The following GABBR2 variants were observed in gnomAD, a reference collection of about 807,000 sequenced individuals.
The protein encoded by GABBR2 is G-protein coupled receptor 51.
Under a neutral mutation model 105.6 loss-of-function variants are expected in GABBR2, and 23 were observed. The ratio of observed to expected loss-of-function variants is 0.22; its 90% CI spans 0.16 to 0.31. GABBR2 has a LOEUF of 0.31. GABBR2 is among the 10% of genes least tolerant of loss of function. The probability of loss-of-function intolerance (pLI) is 1.00; values close to 1 mark genes in which losing one functional copy is unlikely to be tolerated. For synonymous variants in GABBR2, 478 were observed against 499.7 expected, an observed-to-expected ratio of 0.96 and a Z score of 0.58; for missense variants, 734 against 1,245.5, an observed-to-expected ratio of 0.59 and a Z score of 6.18.
intron 2 of GABBR2, among the ~76,000 whole-genome samples, chr9:98,569,959 C>A (rs1175112194): frequency 6.6e-6 from 1 of 152,198 alleles, no homozygotes; most frequent in Non-Finnish European, 1.5e-5. Flanking sequence ...TAGAATGATG[C>A]CAGAATTCAG....
intron 1 of GABBR2, among the ~76,000 whole-genome samples, chr9:98,602,333 G>T (rs540403248): frequency 6.6e-6 from 1 of 151,752 alleles, no homozygotes; most frequent in African/African-American, 2.4e-5. Flanking sequence ...TCAGCTGGGC[G>T]TGGTGGCAGG....
chr9:98,300,494 C>T (rs1830451407), intron 16 of GABBR2, among the ~76,000 whole-genome samples: 1 of 152,144 alleles, frequency 6.6e-6, no homozygotes. Flanking sequence ...GGCAATTCAG[C>T]CCCAGAGAAG....
chr9:98,662,045 C>T (rs1196567835), intron 1 of GABBR2, among the ~76,000 whole-genome samples: 1 of 152,212 alleles, frequency 6.6e-6, no homozygotes, highest in African/African-American at 2.4e-5. Context: ...GTCCTGCTTC[C>T]CACACTCTTA....
chr9:98,293,851 T>C lies in GABBR2; in HGVS notation c.2594A>G (p.Gln865Arg), dbSNP rs1428518574. ...KNHLDQNPQL[Q>R]WNTTEPSRTC... ...TCGAGAGGGCTCTGTTGTGTTCCAC[T>C]GTAGCTGGGGATTTTGATCGAGGTG... is the stretch of plus-strand genomic sequence containing the variant. The change falls in exon 18 of 19, where the codon CAG becomes CGG. Residue 865 changes from glutamine (Q) to arginine (R), a missense_variant. Gln to Arg is a conservative substitution (Grantham distance 43). This residue lies in a region of GABBR2 where 134 missense variants were observed against 171.2 expected (regional missense o/e 0.78). Transcript: ENST00000259455. 1 of 1,613,356 alleles carries C rather than the reference T, an allele frequency of 6.2e-7. No individual in the cohort carries two copies.
intron 2 of GABBR2, among the ~76,000 whole-genome samples, chr9:98,577,668 G>T (rs781672359): frequency 6.6e-5 from 10 of 152,186 alleles, no homozygotes; most frequent in Non-Finnish European, 1.2e-4. Context: ...GGCATCAGTG[G>T]CTCTGAAAGC....
chr9:98,418,370 T>C (rs1832724860), intron 7 of GABBR2, among the ~76,000 whole-genome samples: 1 of 151,980 alleles, frequency 6.6e-6, no homozygotes. Context: ...ACCCCGTCCC[T>C]ATAAAAAATA....
Position 98,479,632 on chromosome 9 carries a change from G to A in GABBR2, c.798+1300C>T, listed in dbSNP as rs74641286. 6.8e-4 allele frequency among the ~76,000 whole-genome samples: 103 copies of A among 152,316 alleles called. 1 individual carries two copies. In the East Asian group the frequency reaches 0.015, roughly 23 times the overall value. ...GGCTTGCAGCCACTACCCTATCCTC[G>A]CTGCTTGTCTCTTTTCAATTCCTAC... On this transcript the variant is annotated intron_variant, in intron 5 of 18. Transcript: ENST00000259455.
At chr9:98,644,530 C>T (rs7852947) in intron 1 of GABBR2, among the ~76,000 whole-genome samples, 13,602 of 152,208 alleles carry the variant, frequency 0.089, 937 homozygotes, top group African/African-American at 0.19. Context: ...TTGTAGTTCT[C>T]AAGAATAACT....
chr9:98,449,969 C>T (rs1826204370), intron 7 of GABBR2, among the ~76,000 whole-genome samples: 1 of 152,130 alleles, frequency 6.6e-6, no homozygotes, highest in African/African-American at 2.4e-5. Flanking sequence ...ACAGAACTTG[C>T]CTTGAGTTAA....
At chr9:98,321,100 G>A (rs1210911425) in intron 13 of GABBR2, among the ~76,000 whole-genome samples, 1 of 152,128 alleles carries the variant, frequency 6.6e-6, no homozygotes, top group Non-Finnish European at 1.5e-5. Context: ...CTGGGAAAGG[G>A]CAGGAGTCTC....
At chr9:98,312,736 C>A (rs1298789855) in intron 13 of GABBR2, among the ~76,000 whole-genome samples, 1 of 152,148 alleles carries the variant, frequency 6.6e-6, no homozygotes, top group Non-Finnish European at 1.5e-5. Flanking sequence ...CCTTTCCTCC[C>A]ATTTATTTAT....
intron 7 of GABBR2, among the ~76,000 whole-genome samples, chr9:98,435,582 C>T (rs1376606262): frequency 6.6e-6 from 1 of 152,194 alleles, no homozygotes; most frequent in African/African-American, 2.4e-5. Context: ...AGTCAGGTTG[C>T]TCCCTTGCTA....
At chr9:98,584,830 G>A (rs1284276211) in intron 1 of GABBR2, among the ~76,000 whole-genome samples, 1 of 152,122 alleles carries the variant, frequency 6.6e-6, no homozygotes, top group East Asian at 1.9e-4. Context: ...TCCCCTCTGG[G>A]TCTCCCACGC....
At chr9:98,502,641 G>A (rs916138738) in intron 3 of GABBR2, among the ~76,000 whole-genome samples, 6 of 152,226 alleles carry the variant, frequency 3.9e-5, no homozygotes, top group Admixed American at 1.3e-4. Context: ...GAATCCCCCC[G>A]CTTGGCACTG....
chr9:98,437,614 C>T (rs963293388), intron 7 of GABBR2, among the ~76,000 whole-genome samples: 1 of 149,972 alleles, frequency 6.7e-6, no homozygotes, highest in African/African-American at 2.5e-5. Flanking sequence ...TGTCTGTCCT[C>T]TTATCTGCCC....
At chr9:98,678,137 T>C (rs1263884375) in intron 1 of GABBR2, among the ~76,000 whole-genome samples, 1 of 152,216 alleles carries the variant, frequency 6.6e-6, no homozygotes, top group Non-Finnish European at 1.5e-5. Context: ...GTTGACTAAA[T>C]GAAGAGTGCA....
chr9:98,427,891 C>T (rs905538412), intron 7 of GABBR2, among the ~76,000 whole-genome samples: 17 of 152,162 alleles, frequency 1.1e-4, no homozygotes, highest in African/African-American at 3.9e-4. Flanking sequence ...TGGGAGACAT[C>T]TTGAAAGCAA....
intron 1 of GABBR2, among the ~76,000 whole-genome samples, chr9:98,706,993 G>A (rs1291901634): frequency 1.3e-5 from 2 of 152,208 alleles, no homozygotes; most frequent in Admixed American, 6.5e-5. Flanking sequence ...GCATCCTCTG[G>A]GGCAGAGGAC....
intron 10 of GABBR2, among the ~76,000 whole-genome samples, chr9:98,386,738 C>T (rs1832079449): frequency 6.6e-6 from 1 of 152,158 alleles, no homozygotes; most frequent in Non-Finnish European, 1.5e-5. Context: ...CAATTGTTCC[C>T]CAACATTTTC....
Sources: gnomAD v4.1 joint callset for allele counts (sites outside exome capture counted in the v4.1 genomes callset) on GRCh38, gnomAD v4.1.1 for gene constraint, gnomAD v4.1.1 regional missense constraint, MANE v1.5 for transcripts, NCBI Gene and HGNC (gene_info 2026-07-23, HGNC 2026-07-21) for gene names.